CHRM2: variants seen among roughly 807,000 people sequenced by gnomAD.
The protein encoded by CHRM2 is muscarinic acetylcholine receptor M2.
CHRM2 carries 8 observed loss-of-function variants against 25.0 expected under a neutral mutation model. The ratio of observed to expected loss-of-function variants is 0.32; its 90% CI spans 0.19 to 0.58. The LOEUF (loss-of-function observed/expected upper bound fraction) is 0.58. CHRM2 is among the 20% of genes least tolerant of loss of function. The probability of loss-of-function intolerance (pLI) is 0.88; values close to 1 mark genes in which losing one functional copy is unlikely to be tolerated. For missense variants in CHRM2, 440 were observed against 567.1 expected, an observed-to-expected ratio of 0.78 and a Z score of 2.28; for synonymous variants, 202 against 205.7, an observed-to-expected ratio of 0.98 and a Z score of 0.15.
At chr7:136,979,311 A>T (rs1316288538) in intron 2 of CHRM2, among the ~76,000 whole-genome samples, 1 of 152,130 alleles carries the variant, frequency 6.6e-6, no homozygotes, top group Admixed American at 6.6e-5. Context: ...TTTCTTGTAA[A>T]TTTGTTTAAG....
intron 2 of CHRM2, among the ~76,000 whole-genome samples, chr7:136,904,127 T>A (rs1797398233): frequency 6.6e-6 from 1 of 151,912 alleles, no homozygotes; most frequent in Non-Finnish European, 1.5e-5. Flanking sequence ...TTTTGAGTTA[T>A]CTTTGGCTGA....
Position 137,015,456 on chromosome 7 carries a change from G to T in CHRM2, c.591G>T (p.Leu197Phe), listed in dbSNP as rs756871577. The T allele has an allele frequency of 6.2e-7, 1 of 1,613,222 alleles. No homozygotes were observed. The highest frequency in any genetic ancestry group is 1.1e-5 in the South Asian group (1 of 91,064). The change falls in exon 4 of 4, where the codon TTG becomes TTT. Residue 197 changes from leucine (L) to phenylalanine (F), a missense_variant. Leu to Phe is a conservative substitution (Grantham distance 22). Coordinates refer to ENST00000680005, the MANE Select transcript of CHRM2 (RefSeq NM_001006630.2). This position sits in a 1 kb window ranked among gnomAD's most constrained non-coding sequence, Gnocchi z 5.1. ...TFGTAIAAFY[L>F]PVIIMTVLYW... ...GTACGGCTATTGCAGCCTTCTATTT[G>T]CCAGTGATCATCATGACTGTGCTAT...
At chr7:136,938,555 A>G (rs1799558397) in intron 2 of CHRM2, 1 of 916,150 alleles carries the variant, frequency 1.1e-6, no homozygotes, top group East Asian at 2.4e-5. Flanking sequence ...GATCCCTCCC[A>G]TGCCGCTGGC....
chr7:136,918,636 G>A (rs928993692), intron 2 of CHRM2, among the ~76,000 whole-genome samples: 2 of 151,962 alleles, frequency 1.3e-5, no homozygotes, highest in Admixed American at 6.6e-5. Flanking sequence ...ACGTTGCTCA[G>A]GTTGGTCTCA....
chr7:136,904,696 T>C (rs934822401), intron 2 of CHRM2, among the ~76,000 whole-genome samples: 4 of 151,974 alleles, frequency 2.6e-5, no homozygotes, highest in Admixed American at 2.0e-4. Flanking sequence ...TTCTTTAATA[T>C]TGGGAACATT....
At chr7:136,873,067 T>TAA (rs1795902292) in intron 2 of CHRM2, among the ~76,000 whole-genome samples, 1 of 152,190 alleles carries the variant, frequency 6.6e-6, no homozygotes, top group Non-Finnish European at 1.5e-5. Context: ...TTTGACTTGC[T>TAA]TGAGATTTTA....
chr7:136,877,182 CAG>C (rs1796082606), intron 2 of CHRM2, among the ~76,000 whole-genome samples: 1 of 152,016 alleles, frequency 6.6e-6, no homozygotes, highest in African/African-American at 2.4e-5. Flanking sequence ...AGGGCCCGGA[CAG>C]AGAGCTTTGC....
intron 2 of CHRM2, chr7:136,902,193 A>G (rs1339498256): frequency 1.4e-5 from 2 of 146,316 alleles, no homozygotes; most frequent in African/African-American, 2.6e-5. Flanking sequence ...AAACTCATCT[A>G]TCTATCTATC....
intron 2 of CHRM2, among the ~76,000 whole-genome samples, chr7:136,947,355 T>G (rs1189168284): frequency 6.6e-6 from 1 of 152,198 alleles, no homozygotes; most frequent in East Asian, 1.9e-4. Flanking sequence ...ATGGGGAATA[T>G]TAGAAATAAT....
At chr7:136,888,202 G>A (rs1461062397) in intron 2 of CHRM2, among the ~76,000 whole-genome samples, 4 of 152,152 alleles carry the variant, frequency 2.6e-5, no homozygotes, top group African/African-American at 4.8e-5. Flanking sequence ...CATGCCCATC[G>A]AGTCGTAGCT....
At chr7:136,952,245 A>T in intron 2 of CHRM2, among the ~76,000 whole-genome samples, 1 of 152,222 alleles carries the variant, frequency 6.6e-6, no homozygotes, top group East Asian at 1.9e-4. Context: ...ATATATTTAT[A>T]ACTATGCCAT....
At chr7:136,873,360 C>T (rs1340434998) in intron 2 of CHRM2, among the ~76,000 whole-genome samples, 1 of 152,182 alleles carries the variant, frequency 6.6e-6, no homozygotes, top group African/African-American at 2.4e-5. Flanking sequence ...TGTGTGTATT[C>T]TAAGTCCTTG....
At chr7:136,878,508 A>T (rs1198858228) in intron 2 of CHRM2, among the ~76,000 whole-genome samples, 2 of 151,844 alleles carry the variant, frequency 1.3e-5, no homozygotes, top group Admixed American at 6.6e-5. Flanking sequence ...GCCTGACTGG[A>T]TATTTTCCAT....
chr7:136,938,324 T>A (rs991176018), intron 2 of CHRM2: 9 of 1,428,960 alleles, frequency 6.3e-6, no homozygotes, highest in Non-Finnish European at 7.8e-6. Flanking sequence ...ATGTTGTCCA[T>A]GTTGCTCCGA....
intron 2 of CHRM2, among the ~76,000 whole-genome samples, chr7:136,985,070 T>C (rs1012134328): frequency 3.3e-5 from 5 of 152,172 alleles, no homozygotes; most frequent in Non-Finnish European, 7.3e-5. Context: ...ATAAACTTTG[T>C]CATTGCTGTT....
intron 2 of CHRM2, among the ~76,000 whole-genome samples, chr7:136,877,615 G>T (rs1796098908): frequency 6.6e-6 from 1 of 152,062 alleles, no homozygotes; most frequent in African/African-American, 2.4e-5. Context: ...GTTAGAGAAA[G>T]TGAGAGAATT....
intron 3 of CHRM2, 65 bp downstream of exon 3, chr7:136,992,329 G>A (rs1803285593): frequency 6.6e-6 from 1 of 152,118 alleles, no homozygotes; most frequent in Non-Finnish European, 1.5e-5. Flanking sequence ...TTAAGTTGTT[G>A]TGAAGTCACA....
At position 136,921,794 on chromosome 7, in the gene CHRM2, C is replaced by CTTTTTTTTTTTTTTTTTTTTTTT. The variant is rs398006503; in HGVS notation, c.-125+52384_-125+52385insTTTTTTTTTTTTTTTTTTTTTTT. On this transcript the variant is annotated intron_variant, in intron 2 of 3. Transcript: ENST00000680005. ...TCTTTCTTTCTTTCTTTCTTTCTTT[C>CTTTTTTTTTTTTTTTTTTTTTTT]TTTTTTTTGAGACAGATTCTCACTC... Among the ~76,000 whole-genome samples the CTTTTTTTTTTTTTTTTTTTTTTT allele has an allele frequency of 2.4e-4, 28 of 116,620 alleles. 1 individual carries two copies. The highest frequency in any genetic ancestry group is 4.5e-4 in the Non-Finnish European group (22 of 48,774). 76.5% of individuals were successfully genotyped at this position (116,620 alleles called of 152,430 possible).
At chr7:136,911,426 A>G (rs1198732176) in intron 2 of CHRM2, among the ~76,000 whole-genome samples, 4 of 151,964 alleles carry the variant, frequency 2.6e-5, no homozygotes, top group Admixed American at 6.6e-5. Context: ...GAGGAAACTA[A>G]GGATCAGAAT....
Sources: allele counts gnomAD v4.1 joint callset (sites outside exome capture counted in the v4.1 genomes callset), GRCh38; gene constraint gnomAD v4.1.1; non-coding constraint Gnocchi (gnomAD v3.1); transcripts MANE v1.5; gene names NCBI Gene and HGNC (gene_info 2026-07-23, HGNC 2026-07-21).